Variants in MTUS2 observed in about 807,000 individuals in gnomAD.
The protein encoded by MTUS2 is microtubule-associated tumor suppressor candidate 2.
In MTUS2, 40 loss-of-function variants were observed where a neutral mutation model predicts 114.1. The observed-to-expected ratio is 0.35, with a 90% CI of 0.27 to 0.46. The LOEUF is 0.46. MTUS2 is among the 20% of genes least tolerant of loss of function. The pLI, the probability that MTUS2 is intolerant of heterozygous loss-of-function variation, is 1.00. For missense variants in MTUS2, 1,679 were observed against 1,705.4 expected (o/e 0.98, Z 0.27); for synonymous variants, 688 against 672.0 (o/e 1.02, Z -0.37).
At chr13:29,027,656 ATCC>A (rs1886621861) in intron 3 of MTUS2, among the ~76,000 whole-genome samples, 1 of 152,130 alleles carries the variant, frequency 6.6e-6, no homozygotes, top group South Asian at 2.1e-4. Flanking sequence ...GGTTCACGCC[ATCC>A]TCCTGCCTCA....
At chr13:29,436,363 C>T (rs1877408729) in intron 8 of MTUS2, among the ~76,000 whole-genome samples, 1 of 152,102 alleles carries the variant, frequency 6.6e-6, no homozygotes. Context: ...CCAGTTTCCT[C>T]CTCCATAAAG....
intron 2 of MTUS2, among the ~76,000 whole-genome samples, chr13:28,843,032 G>A (rs1055179441): frequency 1.3e-5 from 2 of 152,108 alleles, no homozygotes; most frequent in Admixed American, 1.3e-4. Flanking sequence ...CCTTGGATCC[G>A]GACTGGCTCT....
chr13:29,415,215 A>G (rs1875578050), intron 8 of MTUS2, among the ~76,000 whole-genome samples: 2 of 152,054 alleles, frequency 1.3e-5, no homozygotes, highest in Non-Finnish European at 2.9e-5. Context: ...ATCAATTTTG[A>G]TAAATGGTTT....
At chr13:29,174,999 A>T (rs776479835) in intron 5 of MTUS2, among the ~76,000 whole-genome samples, 1 of 152,182 alleles carries the variant, frequency 6.6e-6, no homozygotes, top group African/African-American at 2.4e-5. Context: ...AGCCAATAAC[A>T]TGTTCGTAAA....
intron 5 of MTUS2, among the ~76,000 whole-genome samples, chr13:29,185,593 C>G (rs1314084452): frequency 6.6e-6 from 1 of 152,060 alleles, no homozygotes; most frequent in East Asian, 1.9e-4. Flanking sequence ...TTCTCCCCCC[C>G]AAAAATCATG....
At chr13:28,840,425 C>T (rs948723612) in intron 2 of MTUS2, among the ~76,000 whole-genome samples, 2 of 152,202 alleles carry the variant, frequency 1.3e-5, no homozygotes, top group Non-Finnish European at 2.9e-5. Flanking sequence ...ACGCTTTGTG[C>T]AAATTAGACA....
chr13:29,031,437 CTGAT>C (rs539140888), intron 3 of MTUS2, among the ~76,000 whole-genome samples: 10 of 151,772 alleles, frequency 6.6e-5, no homozygotes, highest in Admixed American at 5.2e-4. Context: ...GATTGATTGA[CTGAT>C]TGATTTTAAG....
chr13:29,263,262 G>A (rs1442176829), intron 5 of MTUS2, among the ~76,000 whole-genome samples: 2 of 152,078 alleles, frequency 1.3e-5, no homozygotes, highest in African/African-American at 4.8e-5. Context: ...CTTCTTCCCA[G>A]CCCCTGTCCT....
chr13:29,272,962 A>G (rs966460961), intron 5 of MTUS2, among the ~76,000 whole-genome samples: 16 of 152,040 alleles, frequency 1.1e-4, no homozygotes, highest in African/African-American at 3.6e-4. Context: ...GTGTCCTCAT[A>G]TGGCAGAAGG....
chr13:29,037,665 G>T (rs1593408164), intron 4 of MTUS2, among the ~76,000 whole-genome samples: 1 of 151,958 alleles, frequency 6.6e-6, no homozygotes. Context: ...ATGTAGGTTT[G>T]GTCTTTTCAC....
Position 29,103,993 on chromosome 13 carries a change from G to T in MTUS2, c.2644+3023G>T, listed in dbSNP as rs556758643. 2.4e-3 allele frequency among the ~76,000 whole-genome samples: 361 copies of T among 152,236 alleles called. 3 individuals are homozygous for T. Among genetic ancestry groups the T allele is most frequent in the Non-Finnish European group, 3.1e-3 (212 of 68,024 alleles). The stretch of plus-strand genomic sequence containing the variant: ...TTGCTGTTTCCCTGGGTCCTGAGGG[G>T]CAAGTGATGATGAATGTGGAAACGG... On this transcript the variant is annotated intron_variant, in intron 5 of 15. Transcript: ENST00000612955.
At chr13:28,959,296 A>G (rs1032877602) in intron 2 of MTUS2, among the ~76,000 whole-genome samples, 10 of 152,166 alleles carry the variant, frequency 6.6e-5, no homozygotes, top group Non-Finnish European at 1.3e-4. Context: ...TGGAGAGCCT[A>G]GGCTCCCCAT....
intron 8 of MTUS2, among the ~76,000 whole-genome samples, chr13:29,382,203 G>T (rs7327917): frequency 6.6e-6 from 1 of 152,076 alleles, no homozygotes; most frequent in African/African-American, 2.4e-5. Context: ...TGGTTGACAG[G>T]TCGGGCCTTG....
intron 5 of MTUS2, among the ~76,000 whole-genome samples, chr13:29,149,817 T>C (rs545603034): frequency 4.6e-5 from 7 of 152,284 alleles, no homozygotes; most frequent in African/African-American, 1.7e-4. Context: ...AAAGATCAGA[T>C]GGTTGTAGGT....
At chr13:29,336,709 GAAC>G (rs892000925) in intron 7 of MTUS2, among the ~76,000 whole-genome samples, 28 of 152,318 alleles carry the variant, frequency 1.8e-4, no homozygotes, top group African/African-American at 6.5e-4. Flanking sequence ...TGGCAGGAAG[GAAC>G]AACATTTAAG....
intron 9 of MTUS2, among the ~76,000 whole-genome samples, chr13:29,442,085 G>A (rs1877929501): frequency 6.6e-6 from 1 of 152,104 alleles, no homozygotes; most frequent in Admixed American, 6.5e-5. Context: ...GGAGACAGCT[G>A]GGAGACCTTG....
intron 2 of MTUS2, among the ~76,000 whole-genome samples, chr13:28,898,876 G>T (rs1010408794): frequency 6.6e-6 from 1 of 152,094 alleles, no homozygotes; most frequent in Admixed American, 6.5e-5. Context: ...ATGTGTGATT[G>T]AACTGTGCAT....
intron 2 of MTUS2, among the ~76,000 whole-genome samples, chr13:28,875,252 T>C (rs1355764533): frequency 6.6e-6 from 1 of 151,978 alleles, no homozygotes; most frequent in African/African-American, 2.4e-5. Flanking sequence ...ACAAATCTAG[T>C]AGATACTGTT....
At chr13:29,484,527 G>C (rs527577471) in intron 10 of MTUS2, among the ~76,000 whole-genome samples, 2 of 152,228 alleles carry the variant, frequency 1.3e-5, no homozygotes, top group African/African-American at 4.8e-5. Context: ...AGCCCCGCAT[G>C]GGATGACAGC....
Sources: allele counts gnomAD v4.1 joint callset (sites outside exome capture counted in the v4.1 genomes callset), GRCh38; gene constraint gnomAD v4.1.1; transcripts MANE v1.5; gene names NCBI Gene and HGNC (gene_info 2026-07-23, HGNC 2026-07-21).